CNTNAP4: variants seen among roughly 807,000 people sequenced by gnomAD.
CNTNAP4 encodes contactin associated protein family member 4, also known as contactin-associated protein-like 4.
Under a neutral mutation model 148.4 loss-of-function variants are expected in CNTNAP4, and 98 were observed. That is an observed-to-expected ratio of 0.66 (90% CI 0.56 to 0.78). The LOEUF (loss-of-function observed/expected upper bound fraction) is 0.78, where lower values mean the gene tolerates loss of function less well. Among genes scored for constraint, CNTNAP4 ranks in the 30% least tolerant of loss-of-function variants. The pLI, the probability that CNTNAP4 is intolerant of heterozygous loss-of-function variation, is 0.00. For missense variants in CNTNAP4, 1,935 were observed against 1,565.6 expected (o/e 1.24, Z -3.98); for synonymous variants, 730 against 565.1 (o/e 1.29, Z -4.14).
chr16:76,422,454 G>A (rs2079224750), intron 3 of CNTNAP4, among the ~76,000 whole-genome samples: 1 of 152,136 alleles, frequency 6.6e-6, no homozygotes, highest in Admixed American at 6.6e-5. Context: ...CTGAGTCCCA[G>A]TTCAACAATA....
chr16:76,511,719 C>G (rs138106857), intron 15 of CNTNAP4, among the ~76,000 whole-genome samples: 1 of 151,952 alleles, frequency 6.6e-6, no homozygotes, highest in African/African-American at 2.4e-5. Flanking sequence ...TCTTCTTCCT[C>G]CTCTTCTCTT....
chr16:76,345,079 G>A (rs1964793209), intron 2 of CNTNAP4, among the ~76,000 whole-genome samples: 1 of 152,130 alleles, frequency 6.6e-6, no homozygotes, highest in African/African-American at 2.4e-5. Context: ...CCTTTGAATG[G>A]TCTCTTGGCA....
chr16:76,298,747 A>G (rs1959605982), intron 1 of CNTNAP4, among the ~76,000 whole-genome samples: 1 of 152,156 alleles, frequency 6.6e-6, no homozygotes, highest in Non-Finnish European at 1.5e-5. Context: ...CTCCTAGACC[A>G]CATTCTTATC....
At chr16:76,315,481 T>G (rs1961620223) in intron 1 of CNTNAP4, among the ~76,000 whole-genome samples, 1 of 152,248 alleles carries the variant, frequency 6.6e-6, no homozygotes, top group Non-Finnish European at 1.5e-5. Context: ...TGTCAGAGTT[T>G]CTCTTGGCCT....
intron 19 of CNTNAP4, among the ~76,000 whole-genome samples, chr16:76,538,988 C>A (rs1050035238): frequency 6.6e-6 from 1 of 152,004 alleles, no homozygotes; most frequent in Non-Finnish European, 1.5e-5. Flanking sequence ...GTGACTATAT[C>A]ATTTCAACTG....
In CNTNAP4 at chr16:76,321,503, C is replaced by G. The variant is rs191853960; in HGVS notation, c.196+4980C>G. Among the ~76,000 whole-genome samples, 167 of 152,144 alleles carry G rather than the reference C, an allele frequency of 1.1e-3. 1 individual carries two copies. The highest frequency in any genetic ancestry group is 6.8e-3 in the Middle Eastern group (2 of 294). On this transcript the variant is annotated intron_variant, in intron 2 of 23. Coordinates refer to ENST00000611870, the MANE Select transcript of CNTNAP4 (RefSeq NM_033401.5). ...AACGTATTATATTTTTTAAAAACCT[C>G]TATAGGCCGGGTGCAGTGGCTCATG...
intron 3 of CNTNAP4, among the ~76,000 whole-genome samples, chr16:76,420,201 A>G (rs2079130570): frequency 6.6e-6 from 1 of 150,434 alleles, no homozygotes; most frequent in South Asian, 2.1e-4. Context: ...AATAATATGT[A>G]TATTCTGTAG....
intron 1 of CNTNAP4, among the ~76,000 whole-genome samples, chr16:76,283,665 G>A (rs768911751): frequency 1.2e-4 from 18 of 151,934 alleles, no homozygotes; most frequent in Admixed American, 1.1e-3. Context: ...TTGGAGGATG[G>A]AGAGTGGGAG....
chr16:76,371,517 T>G (rs2014820198), intron 3 of CNTNAP4, among the ~76,000 whole-genome samples: 1 of 152,178 alleles, frequency 6.6e-6, no homozygotes, highest in African/African-American at 2.4e-5. Context: ...ACTCCTGACC[T>G]GAGGTGATCT....
At chr16:76,517,794 C>T (rs2083304972) in intron 15 of CNTNAP4, among the ~76,000 whole-genome samples, 1 of 152,100 alleles carries the variant, frequency 6.6e-6, no homozygotes, top group Non-Finnish European at 1.5e-5. Context: ...TGAGAAGAAA[C>T]CTTACCCCTC....
chr16:76,298,433 A>C (rs541127678), intron 1 of CNTNAP4, among the ~76,000 whole-genome samples: 2 of 151,980 alleles, frequency 1.3e-5, no homozygotes, highest in African/African-American at 4.8e-5. Flanking sequence ...ATGAATGGCA[A>C]TTAGATTCTT....
In CNTNAP4 at chr16:76,502,172, C is replaced by T. The variant is rs531867332; in HGVS notation, c.2365+3478C>T. Among the ~76,000 whole-genome samples the T allele has an allele frequency of 3.9e-5, 6 of 152,230 alleles. No individual in the cohort carries two copies. The South Asian group carries it at 1.2e-3, about 32-fold the overall frequency. On this transcript the variant is annotated intron_variant, in intron 15 of 23. Coordinates refer to ENST00000611870, the MANE Select transcript of CNTNAP4 (RefSeq NM_033401.5). ...GTAATCAAGTGATTGGTCTTCTTGCCTCCTGTACCTATTTTTAGCGTTGAG... is the reference window on the plus strand; with the variant it reads ...GTAATCAAGTGATTGGTCTTCTTGCTTCCTGTACCTATTTTTAGCGTTGAG...
intron 3 of CNTNAP4, among the ~76,000 whole-genome samples, chr16:76,420,197 A>G (rs546973095): frequency 6.7e-6 from 1 of 149,694 alleles, no homozygotes; most frequent in East Asian, 2.1e-4. Flanking sequence ...ACAGAATAAT[A>G]TGTATATTCT....
intron 21 of CNTNAP4, among the ~76,000 whole-genome samples, chr16:76,547,163 A>G (rs1899633082): frequency 6.6e-6 from 1 of 152,236 alleles, no homozygotes; most frequent in South Asian, 2.1e-4. Flanking sequence ...CTAGAAAATT[A>G]TAGAAAAAGA....
intron 4 of CNTNAP4, among the ~76,000 whole-genome samples, chr16:76,434,715 G>T (rs2079750530): frequency 2.6e-5 from 4 of 152,124 alleles, no homozygotes; most frequent in Admixed American, 2.6e-4. Flanking sequence ...GCTTCCATTT[G>T]GCCTTTCCCA....
At chr16:76,537,791 G>C (rs2084274591) in intron 18 of CNTNAP4, among the ~76,000 whole-genome samples, 3 of 152,030 alleles carry the variant, frequency 2.0e-5, no homozygotes, top group African/African-American at 7.2e-5. Context: ...CAATATAACA[G>C]ATGGGAGTTA....
chr16:76,409,446 G>A (rs1263058346), intron 3 of CNTNAP4, among the ~76,000 whole-genome samples: 2 of 151,846 alleles, frequency 1.3e-5, no homozygotes, highest in African/African-American at 4.8e-5. Flanking sequence ...AAAATAATTT[G>A]AAAATGTTGA....
At position 76,474,649 on chromosome 16, in the gene CNTNAP4, A is replaced by G. The variant is rs115715456; in HGVS notation, c.1656-1290A>G. 5.7e-3 allele frequency among the ~76,000 whole-genome samples: 872 copies of G among 152,222 alleles called. 10 individuals are homozygous for G. The highest frequency in any genetic ancestry group is 0.02 in the African/African-American group (816 of 41,532). On this transcript the variant is annotated intron_variant, in intron 10 of 23. Coordinates refer to ENST00000611870, the MANE Select transcript of CNTNAP4 (RefSeq NM_033401.5). ...ATGAATGAGGGCATTTAAAGTCTTG[A>G]TCTCAGTGTATCTTTCATTCTAAAT...
rs940595879 is a variant in CNTNAP4 at position 76,283,906 on chromosome 16, C to G, written c.85+6159C>G. ...ACTGAAAGTTTACAGAATGATCTAG[C>G]TCCTGAAAACAGTAGGAAGAGTAAG... is the stretch of plus-strand genomic sequence containing the variant. On this transcript the variant is annotated intron_variant, in intron 1 of 23. Transcript: ENST00000611870. Among the ~76,000 whole-genome samples, 126 of 152,120 alleles carry G rather than the reference C, an allele frequency of 8.3e-4. 1 individual carries two copies. Among genetic ancestry groups the G allele is most frequent in the African/African-American group, 2.9e-3 (119 of 41,542 alleles).
Sources: allele counts gnomAD v4.1 joint callset (sites outside exome capture counted in the v4.1 genomes callset), GRCh38; gene constraint gnomAD v4.1.1; transcripts MANE v1.5; gene names NCBI Gene and HGNC (gene_info 2026-07-23, HGNC 2026-07-21).